The following BATF variants were observed in gnomAD, a reference collection of about 807,000 sequenced individuals.
BATF encodes the protein basic leucine zipper transcriptional factor ATF-like.
A neutral mutation model predicts 13.7 loss-of-function variants in BATF; 5 were observed. That is an observed-to-expected ratio of 0.36 (90% CI 0.19 to 0.77). BATF has a LOEUF of 0.77. BATF is among the 30% of genes least tolerant of loss of function. BATF has a pLI of 0.51. For synonymous variants in BATF, 72 were observed against 67.5 expected, an observed-to-expected ratio of 1.07 and a Z score of -0.33; for missense variants, 124 against 163.0, an observed-to-expected ratio of 0.76 and a Z score of 1.30.
chr14:75,539,281 C>T (rs557874840), intron 2 of BATF, among the ~76,000 whole-genome samples: 53 of 152,286 alleles, frequency 3.5e-4, no homozygotes, highest in African/African-American at 1.1e-3. Context: ...AGCCTTTGTC[C>T]TTATGAGCAG....
intron 1 of BATF, 36 bp from the exon 2 acceptor site, chr14:75,525,048 C>G: frequency 6.4e-7 from 1 of 1,553,432 alleles, no homozygotes. Context: ...AAGGGAGATG[C>G]AGACCCATGT....
At chr14:75,545,544 A>G (rs190595310) in intron 2 of BATF, among the ~76,000 whole-genome samples, 1 of 152,002 alleles carries the variant, frequency 6.6e-6, no homozygotes, top group African/African-American at 2.4e-5. Context: ...CCCATTTACT[A>G]TTTATAAAGA....
rs542494418 is a variant in BATF, at chr14:75,525,280, G to T, written c.168+92G>T. The T allele has an allele frequency of 7.8e-5, 103 of 1,317,948 alleles. 1 individual carries two copies. The East Asian group carries it at 1.5e-3, about 19-fold the overall frequency. The allele number at this position is 1,317,948 out of a possible 1,614,324, so 81.6% of individuals were successfully genotyped here. ...TTGGACCATAGCTTTGATTCTGCTT[G>T]TGTGGGGATGTGTATGTGGGGTGGG... On this transcript the variant is annotated intron_variant, in intron 2 of 2. Coordinates refer to ENST00000286639, the MANE Select transcript of BATF (RefSeq NM_006399.5).
At chr14:75,525,041 G>A (rs756280976) in intron 1 of BATF, 43 bp from the exon 2 acceptor site, 7 of 1,522,274 alleles carry the variant, frequency 4.6e-6, no homozygotes, top group South Asian at 1.2e-5. Context: ...CACTCAGAAG[G>A]GAGATGCAGA....
intron 2 of BATF, among the ~76,000 whole-genome samples, chr14:75,539,424 ATTTTTTTT>A (rs1162218076): frequency 2.0e-4 from 12 of 58,552 alleles, no homozygotes; most frequent in South Asian, 9.3e-4. Context: ...GTAAGCTGGA[ATTTTTTTT>A]TTTTTTTTTT....
chr14:75,523,806 G>A (rs1887612840), intron 1 of BATF, among the ~76,000 whole-genome samples: 1 of 152,154 alleles, frequency 6.6e-6, no homozygotes, highest in African/African-American at 2.4e-5. Context: ...TAATAACGGA[G>A]CAGCAGGCTG....
intron 2 of BATF, among the ~76,000 whole-genome samples, chr14:75,525,589 G>C (rs369718668): frequency 6.6e-6 from 1 of 151,062 alleles, no homozygotes; most frequent in African/African-American, 2.4e-5. Context: ...ACTTGAACAG[G>C]CAGAGGTTGC....
intron 2 of BATF, among the ~76,000 whole-genome samples, chr14:75,541,366 C>T (rs1455139266): frequency 1.3e-5 from 2 of 152,202 alleles, no homozygotes; most frequent in Admixed American, 1.3e-4. Flanking sequence ...CCAGCCAGGA[C>T]CAGGGCCCAA....
Position 75,541,820 on chromosome 14 carries a change from C to T in BATF, c.169-4642C>T, listed in dbSNP as rs1025935072. Among the ~76,000 whole-genome samples, 7 of 152,272 alleles carry T rather than the reference C, an allele frequency of 4.6e-5. No homozygotes were observed. The South Asian group carries it at 6.2e-4, about 14-fold the overall frequency. ...CTGGGACTACAGGCATGCGCCACCA[C>T]GCCCGGCTAATTTTTGTATTTTTTG... is the stretch of plus-strand genomic sequence containing the variant. On this transcript the variant is annotated intron_variant, in intron 2 of 2. Coordinates refer to ENST00000286639, the MANE Select transcript of BATF (RefSeq NM_006399.5).
intron 2 of BATF, among the ~76,000 whole-genome samples, chr14:75,534,973 T>C (rs1566767778): frequency 6.6e-6 from 1 of 152,212 alleles, no homozygotes; most frequent in Non-Finnish European, 1.5e-5. Context: ...AGAAGACCAC[T>C]TTAAGTAAAT....
At chr14:75,537,460 G>A (rs991077369) in intron 2 of BATF, among the ~76,000 whole-genome samples, 2 of 152,168 alleles carry the variant, frequency 1.3e-5, no homozygotes, top group African/African-American at 2.4e-5. Context: ...GTCAAGCAAC[G>A]TGATTTGATC....
Position 75,522,630 on chromosome 14 carries a change from A to C in BATF, c.-53A>C. On this transcript the variant is annotated 5_prime_UTR_variant, in exon 1 of 3. Coordinates refer to ENST00000286639, the MANE Select transcript of BATF (RefSeq NM_006399.5). ...CAGGAAGGGAGCCCAGCTGGTGACA[A>C]GAGAGCCCAGAGGTGCCTGGGGCTG... 1 of 1,609,462 alleles carries C rather than the reference A, an allele frequency of 6.2e-7. No homozygotes were observed. Among genetic ancestry groups the C allele is most frequent in the East Asian group, 2.2e-5 (1 of 44,850 alleles).
At chr14:75,530,618 T>C (rs1887718470) in intron 2 of BATF, among the ~76,000 whole-genome samples, 1 of 152,248 alleles carries the variant, frequency 6.6e-6, no homozygotes, top group South Asian at 2.1e-4. Flanking sequence ...TAAAAAGGCA[T>C]AAATATAGTC....
At chr14:75,534,057 C>A (rs1463345815) in intron 2 of BATF, among the ~76,000 whole-genome samples, 1 of 152,064 alleles carries the variant, frequency 6.6e-6, no homozygotes, top group Non-Finnish European at 1.5e-5. Flanking sequence ...ATACATGAGA[C>A]CAGAAAGAGA....
At chr14:75,539,029 G>A (rs772155707) in intron 2 of BATF, among the ~76,000 whole-genome samples, 2 of 152,226 alleles carry the variant, frequency 1.3e-5, no homozygotes, top group Non-Finnish European at 2.9e-5. Context: ...CGAAGCATCA[G>A]TATCAGCCAA....
At chr14:75,533,109 T>C (rs563833067) in intron 2 of BATF, among the ~76,000 whole-genome samples, 2 of 152,270 alleles carry the variant, frequency 1.3e-5, no homozygotes, top group Non-Finnish European at 2.9e-5. Flanking sequence ...CGGGTCGGCA[T>C]GGCTAAGTTT....
chr14:75,546,381 C>T, intron 2 of BATF, 81 bp from the exon 3 acceptor site: 1 of 1,427,376 alleles, frequency 7.0e-7, no homozygotes, highest in Non-Finnish European at 9.7e-7. Flanking sequence ...CTAATCTGGC[C>T]CCTCCTGTGT....
chr14:75,530,629 C>T (rs988253132), intron 2 of BATF, among the ~76,000 whole-genome samples: 3 of 152,110 alleles, frequency 2.0e-5, no homozygotes, highest in African/African-American at 7.2e-5. Context: ...AAATATAGTC[C>T]ATAGTTTGCT....
intron 2 of BATF, among the ~76,000 whole-genome samples, chr14:75,537,168 T>C (rs1887832270): frequency 6.6e-6 from 1 of 152,154 alleles, no homozygotes. Flanking sequence ...ACTAGGGAAA[T>C]GGCACGACGA....
Sources: gnomAD v4.1 joint callset for allele counts (sites outside exome capture counted in the v4.1 genomes callset) on GRCh38, gnomAD v4.1.1 for gene constraint, MANE v1.5 for transcripts, NCBI Gene and HGNC (gene_info 2026-07-23, HGNC 2026-07-21) for gene names.